Variants in ZNF93 observed in about 807,000 individuals in gnomAD.
ZNF93 encodes the protein zinc finger protein 505.
Under a neutral mutation model 45.0 loss-of-function variants are expected in ZNF93, and 29 were observed. The ratio of observed to expected loss-of-function variants is 0.64; its 90% CI spans 0.48 to 0.88. The LOEUF is 0.88. Ranked by LOEUF, ZNF93 falls within the 40% of genes least tolerant of loss-of-function variation. ZNF93 has a pLI of 0.00. For missense variants in ZNF93, 578 were observed against 724.0 expected (o/e 0.80, Z 2.31); for synonymous variants, 223 against 244.6 (o/e 0.91, Z 0.82).
chr19:19,915,603 G>C (rs2063321435), intron 2 of ZNF93, among the ~76,000 whole-genome samples, 197 bp downstream of exon 2: 1 of 152,054 alleles, frequency 6.6e-6, no homozygotes, highest in Non-Finnish European at 1.5e-5. Context: ...ACTTTGGGAG[G>C]CTAGGGCGGA....
intron 1 of ZNF93, among the ~76,000 whole-genome samples, chr19:19,905,253 GT>G (rs778641776): frequency 5.3e-5 from 8 of 151,908 alleles, no homozygotes; most frequent in Non-Finnish European, 1.5e-5. Flanking sequence ...ACCCATGTGG[GT>G]TTGTTATACA....
At position 19,934,305 on chromosome 19, in the gene ZNF93, G is replaced by T; in HGVS notation, c.1350G>T (p.Lys450Asn). 6.2e-7 allele frequency: 1 copy of T among 1,613,200 alleles called. No homozygotes were observed. The highest frequency in any genetic ancestry group is 8.5e-7 in the Non-Finnish European group (1 of 1,179,932). The change falls in exon 4 of 4, where the codon AAG (lysine) becomes AAT (asparagine). Residue 450 changes from lysine to asparagine, a missense_variant. Physicochemically the swap from Lys to Asn is moderately conservative, Grantham distance 94 (BLOSUM62 0). This residue lies in a region of ZNF93 where 446 missense variants were observed against 547.6 expected (regional missense o/e 0.81). Transcript: ENST00000343769. ...AACATGAGATCATTCATACTGGAAA[G>T]AAACCCTACAAGTGTGAAGAATGTG... is the stretch of plus-strand genomic sequence containing the variant. ...LSKHEIIHTG[K>N]KPYKCEECGK... is the part of the protein sequence containing the mutation.
intron 3 of ZNF93, chr19:19,926,012 C>G (rs996255309): frequency 2.6e-5 from 4 of 151,626 alleles, no homozygotes; most frequent in African/African-American, 9.7e-5. Flanking sequence ...ACAGTGCATA[C>G]CAATGATTCA....
chr19:19,916,606 A>T lies in ZNF93; in HGVS notation c.177A>T (p.Gly59=), dbSNP rs1039770102. 1 of 1,611,648 alleles carries T rather than the reference A, an allele frequency of 6.2e-7. No homozygotes were observed. Among genetic ancestry groups the T allele is most frequent in the Non-Finnish European group, 8.5e-7 (1 of 1,179,144 alleles). ...ACCTGATCGCCCATCTGGAGCAAGGAAAAAAACCTTTGACTATGAAGAGAC... is the reference window on the plus strand; with the variant it reads ...ACCTGATCGCCCATCTGGAGCAAGGTAAAAAACCTTTGACTATGAAGAGAC... ...KPDLIAHLEQ[G]KKPLTMKRHE... Residue 59 remains glycine, a synonymous_variant, in exon 3 of 4, where the codon GGA becomes GGT. Transcript: ENST00000343769.
chr19:19,923,676 A>C (rs2063348085), intron 3 of ZNF93, among the ~76,000 whole-genome samples: 1 of 152,146 alleles, frequency 6.6e-6, no homozygotes, highest in African/African-American at 2.4e-5. Flanking sequence ...CTGCTGTGCT[A>C]GCAATGAGCG....
intron 3 of ZNF93, chr19:19,932,706 A>G (rs1339314114): frequency 6.6e-6 from 1 of 152,306 alleles, no homozygotes; most frequent in Non-Finnish European, 1.5e-5. Context: ...TCACCTTTAT[A>G]CTCATACCAA....
At chr19:19,926,964 T>A (rs1052047863) in intron 3 of ZNF93, 11 of 390,496 alleles carry the variant, frequency 2.8e-5, no homozygotes, top group Non-Finnish European at 5.0e-5. Flanking sequence ...TATTTCTTTT[T>A]GTGAAAGAAA....
chr19:19,929,874 C>G (rs2063367561), intron 3 of ZNF93, among the ~76,000 whole-genome samples: 1 of 130,616 alleles, frequency 7.7e-6, no homozygotes, highest in Non-Finnish European at 1.6e-5. Flanking sequence ...GGAGGCGGAG[C>G]TTGCAGTGAG....
intron 3 of ZNF93, among the ~76,000 whole-genome samples, chr19:19,931,100 TA>T (rs894469663): frequency 3.3e-5 from 5 of 150,936 alleles, no homozygotes; most frequent in South Asian, 2.1e-4. Flanking sequence ...TATGCTTTTT[TA>T]AAAAAACCAC....
Position 19,933,959 on chromosome 19 carries a change from A to G in ZNF93, c.1004A>G (p.His335Arg), listed in dbSNP as rs541346471. The G allele has an allele frequency of 1.2e-6, 2 of 1,612,694 alleles. No homozygotes were observed. The highest frequency in any genetic ancestry group is 1.7e-6 in the Non-Finnish European group (2 of 1,179,430). Residue 335 changes from histidine to arginine, a missense_variant, in exon 4 of 4, where the codon CAT (histidine) becomes CGT (arginine). This residue lies in a region of ZNF93 where 446 missense variants were observed against 547.6 expected (regional missense o/e 0.81). Coordinates refer to ENST00000343769, the MANE Select transcript of ZNF93 (RefSeq NM_031218.4). ...ATCCTTACTACACATAAGAGAATTC[A>G]TACTGGAGAGAAACCATACAAGTGT... ...SRILTTHKRI[H>R]TGEKPYKCNK...
In ZNF93 at chr19:19,916,770, C is replaced by G. The variant is rs1044671956; in HGVS notation, c.226+115C>G. On this transcript the variant is annotated intron_variant, in intron 3 of 3. Coordinates refer to ENST00000343769, the MANE Select transcript of ZNF93 (RefSeq NM_031218.4). The stretch of plus-strand genomic sequence containing the variant: ...AAGCTGTGTTCCAAAGGAAATAGTT[C>G]CTGGGCAGCTGTTTTTTGTTTTTGT... 3 of 710,422 alleles carry G rather than the reference C, an allele frequency of 4.2e-6. No individual in the cohort carries two copies. In the African/African-American group the frequency reaches 5.6e-5, roughly 13 times the overall value. The allele number at this position is 710,422 out of a possible 1,614,324, so 44.0% of individuals were successfully genotyped here.
chr19:19,911,607 A>G (rs760581509), intron 1 of ZNF93, among the ~76,000 whole-genome samples: 2 of 152,174 alleles, frequency 1.3e-5, no homozygotes, highest in African/African-American at 2.4e-5. Context: ...TAGCTACTGG[A>G]TAAGTAATTG....
At chr19:19,931,536 T>C (rs1388664745) in intron 3 of ZNF93, among the ~76,000 whole-genome samples, 1 of 152,136 alleles carries the variant, frequency 6.6e-6, no homozygotes, top group African/African-American at 2.4e-5. Flanking sequence ...CCAGCTTATT[T>C]GTATTTTTTG....
Position 19,933,935 on chromosome 19 carries a change from T to TC in ZNF93, c.982dup (p.Leu328ProfsTer5). ...GGCAAAGCCTTTAAGTACTCCCGTATCCTTACTACACATAAGAGAATTCAT... is the reference window on the plus strand; with the variant it reads ...GGCAAAGCCTTTAAGTACTCCCGTATCCCTTACTACACATAAGAGAATTCAT... On this transcript the variant is annotated frameshift_variant, in exon 4 of 4. Coordinates refer to ENST00000343769, the MANE Select transcript of ZNF93 (RefSeq NM_031218.4). LOFTEE classifies it high-confidence loss of function. The TC allele has an allele frequency of 6.3e-7, 1 of 1,593,648 alleles. No individual in the cohort carries two copies. The highest frequency in any genetic ancestry group is 8.5e-7 in the Non-Finnish European group (1 of 1,172,100).
At chr19:19,908,697 G>A (rs1376517641) in intron 1 of ZNF93, 2 of 151,974 alleles carry the variant, frequency 1.3e-5, no homozygotes, top group East Asian at 3.9e-4. Flanking sequence ...ACAAAAATTA[G>A]CCAGGCATGG....
intron 2 of ZNF93, 36 bp from the exon 3 acceptor site, chr19:19,916,524 G>A (rs369294097): frequency 5.2e-6 from 8 of 1,552,638 alleles, no homozygotes; most frequent in South Asian, 1.1e-5. Context: ...TGGAGAATAT[G>A]AGCAAGATTC....
Position 19,935,121 on chromosome 19 carries a change from G to A in ZNF93, c.*303G>A. The A allele has an allele frequency of 3.0e-6, 1 of 328,074 alleles. No homozygotes were observed. Among genetic ancestry groups the A allele is most frequent in the Non-Finnish European group, 5.5e-6 (1 of 180,444 alleles). 20.3% of individuals were successfully genotyped at this position (328,074 alleles called of 1,614,324 possible). On this transcript the variant is annotated 3_prime_UTR_variant, in exon 4 of 4. Coordinates refer to ENST00000343769, the MANE Select transcript of ZNF93 (RefSeq NM_031218.4). Reference sequence around the variant, plus strand: ...CAGTTAACCTGAGGAAATGCTCTCTGGTACTCACTGAAAGCCACACTCATC... The same window carrying A: ...CAGTTAACCTGAGGAAATGCTCTCTAGTACTCACTGAAAGCCACACTCATC...
At chr19:19,920,453 C>T (rs1265278339) in intron 3 of ZNF93, among the ~76,000 whole-genome samples, 1 of 152,170 alleles carries the variant, frequency 6.6e-6, no homozygotes, top group Non-Finnish European at 1.5e-5. Context: ...CAGGATGATG[C>T]TGGCCTCATA....
At chr19:19,915,488 T>C in intron 2 of ZNF93, 82 bp downstream of exon 2, 17 of 1,514,116 alleles carry the variant, frequency 1.1e-5, no homozygotes, top group Non-Finnish European at 1.5e-5. Flanking sequence ...TTTAGTAATT[T>C]ATTCTTTGCA....
Sources: allele counts gnomAD v4.1 joint callset (sites outside exome capture counted in the v4.1 genomes callset), GRCh38; gene constraint gnomAD v4.1.1; regional missense constraint gnomAD v4.1.1; transcripts MANE v1.5; gene names NCBI Gene and HGNC (gene_info 2026-07-23, HGNC 2026-07-21).